Variants in HSPA4 observed in about 807,000 individuals in gnomAD.
HSPA4 encodes the protein heat shock 70 kDa protein 4.
In HSPA4, 25 loss-of-function variants were observed where a neutral mutation model predicts 106.2. The observed-to-expected ratio is 0.24, with a 90% confidence interval of 0.17 to 0.33. HSPA4 has a LOEUF of 0.33. Ranked by LOEUF, HSPA4 falls within the 10% of genes least tolerant of loss-of-function variation. The pLI is 1.00. For missense variants in HSPA4, 841 were observed against 996.0 expected, an observed-to-expected ratio of 0.84 and a Z score of 2.10; for synonymous variants, 332 against 333.6, an observed-to-expected ratio of 1.00 and a Z score of 0.05.
At chr5:133,070,703 A>G (rs1001490258) in intron 4 of HSPA4, among the ~76,000 whole-genome samples, 3 of 152,092 alleles carry the variant, frequency 2.0e-5, no homozygotes, top group Non-Finnish European at 2.9e-5. Context: ...GGAGTTCGAG[A>G]CCAGCCTGGC....
chr5:133,089,909 A>G (rs192115429), intron 11 of HSPA4, among the ~76,000 whole-genome samples: 71 of 152,250 alleles, frequency 4.7e-4, no homozygotes, highest in African/African-American at 1.3e-3. Context: ...AGAAAGAACA[A>G]GTATGGTATT....
chr5:133,097,156 C>A lies in HSPA4; in HGVS notation c.1804-5C>A. On this transcript the variant is annotated splice_region_variant and splice_polypyrimidine_tract_variant and intron_variant, in intron 14 of 18. Coordinates refer to ENST00000304858, the MANE Select transcript of HSPA4 (RefSeq NM_002154.4). ...GTCTGATTTATACATAATATTTATTCTCAGGGTAAGATGATCATGCAGGAT... is the reference window on the plus strand; with the variant it reads ...GTCTGATTTATACATAATATTTATTATCAGGGTAAGATGATCATGCAGGAT... 1 of 1,604,768 alleles carries A rather than the reference C, an allele frequency of 6.2e-7. No individual in the cohort carries two copies. Among genetic ancestry groups the A allele is most frequent in the South Asian group, 1.1e-5 (1 of 90,448 alleles).
chr5:133,104,104 A>C, intron 18 of HSPA4, 78 bp downstream of exon 18: 1 of 1,422,940 alleles, frequency 7.0e-7, no homozygotes, highest in Non-Finnish European at 9.7e-7. Context: ...CTTAGGAGGG[A>C]ACTTTATTAT....
At chr5:133,073,018 C>G (rs1765403965) in intron 4 of HSPA4, among the ~76,000 whole-genome samples, 1 of 152,154 alleles carries the variant, frequency 6.6e-6, no homozygotes, top group Non-Finnish European at 1.5e-5. Context: ...GTATTTTGGT[C>G]TGCCATGTAA....
At chr5:133,078,819 T>A (rs1262827580) in intron 7 of HSPA4, among the ~76,000 whole-genome samples, 1 of 152,062 alleles carries the variant, frequency 6.6e-6, no homozygotes, top group Non-Finnish European at 1.5e-5. Context: ...CTGCACCCTC[T>A]GTTTCCTGGG....
intron 3 of HSPA4, among the ~76,000 whole-genome samples, 164 bp downstream of exon 3, chr5:133,067,721 C>CT (rs1765326762): frequency 2.0e-5 from 3 of 152,046 alleles, no homozygotes; most frequent in African/African-American, 7.2e-5. Context: ...TTTGAATGAT[C>CT]TGGATGTTGG....
intron 7 of HSPA4, among the ~76,000 whole-genome samples, chr5:133,084,619 C>T (rs1245828461): frequency 3.3e-5 from 5 of 151,924 alleles, no homozygotes; most frequent in African/African-American, 9.7e-5. Flanking sequence ...TACAGGCATG[C>T]ACCACCACGC....
intron 10 of HSPA4, 147 bp downstream of exon 10, chr5:133,089,308 A>G: frequency 4.9e-6 from 3 of 608,464 alleles, no homozygotes; most frequent in Non-Finnish European, 8.3e-6. Context: ...AGTCAGAATA[A>G]ATTTGTGTCC....
intron 1 of HSPA4, among the ~76,000 whole-genome samples, chr5:133,054,648 G>T (rs960780975): frequency 1.3e-5 from 2 of 152,150 alleles, no homozygotes; most frequent in Non-Finnish European, 2.9e-5. Context: ...GTGCCCTTTA[G>T]CAGTTTATTT....
At position 133,105,730 on chromosome 5, in the gene HSPA4, G is replaced by C. The variant is rs895072717; in HGVS notation, c.*1294G>C. 2.6e-5 allele frequency: 4 copies of C among 152,134 alleles called. No individual in the cohort carries two copies. Among genetic ancestry groups the C allele is most frequent in the East Asian group, 1.9e-4 (1 of 5,200 alleles). The allele number at this position is 152,134 out of a possible 1,614,324, so 9.4% of individuals were successfully genotyped here. On this transcript the variant is annotated 3_prime_UTR_variant, in exon 19 of 19. Transcript: ENST00000304858. ...ATTCTGTATAACAGAGTGCCTCTCT[G>C]TTACTTTTGGCCTATGTTGTTAGAA...
intron 14 of HSPA4, among the ~76,000 whole-genome samples, 164 bp downstream of exon 14, chr5:133,096,414 C>T (rs1765712618): frequency 1.3e-5 from 2 of 152,076 alleles, no homozygotes; most frequent in African/African-American, 4.8e-5. Flanking sequence ...GCAATAGATC[C>T]CATGTTATGT....
At chr5:133,087,971 A>C (rs929911934) in intron 8 of HSPA4, among the ~76,000 whole-genome samples, 1 of 152,190 alleles carries the variant, frequency 6.6e-6, no homozygotes, top group Non-Finnish European at 1.5e-5. Flanking sequence ...GGATTAGAAC[A>C]CTGGAGTAGC....
intron 8 of HSPA4, among the ~76,000 whole-genome samples, chr5:133,087,894 G>C (rs973737280): frequency 6.6e-6 from 1 of 152,190 alleles, no homozygotes; most frequent in Non-Finnish European, 1.5e-5. Context: ...AAAGTACTGG[G>C]ATTACAAGCA....
intron 2 of HSPA4, 30 bp from the exon 3 acceptor site, chr5:133,067,387 C>A (rs778764943): frequency 4.4e-5 from 69 of 1,577,402 alleles, no homozygotes; most frequent in Non-Finnish European, 5.6e-5. Flanking sequence ...TAGTAGTAGT[C>A]TTTCCACTCT....
Position 133,060,068 on chromosome 5 carries a change from C to CTT in HSPA4, c.108-4902_108-4901dup, listed in dbSNP as rs370182052. On this transcript the variant is annotated intron_variant, in intron 1 of 18. Coordinates refer to ENST00000304858, the MANE Select transcript of HSPA4 (RefSeq NM_002154.4). ...AACTGATTGTGGTATATCAGTTTTA[C>CTT]TTTTTTTTTTTAGGACTTACTAGAT... Among the ~76,000 whole-genome samples, 341 of 146,116 alleles carry CTT rather than the reference C, an allele frequency of 2.3e-3. 3 individuals are homozygous for CTT. Among genetic ancestry groups the CTT allele is most frequent in the South Asian group, 0.02 (93 of 4,664 alleles).
In HSPA4 at chr5:133,074,170, A is replaced by G. The variant is rs747218789; in HGVS notation, c.663+44A>G. The G allele has an allele frequency of 3.0e-6, 4 of 1,341,618 alleles. No homozygotes were observed. The African/African-American group carries it at 6.0e-5, about 20-fold the overall frequency. 83.1% of individuals were successfully genotyped at this position (1,341,618 alleles called of 1,614,324 possible). On this transcript the variant is annotated intron_variant, in intron 6 of 18. Coordinates refer to ENST00000304858, the MANE Select transcript of HSPA4 (RefSeq NM_002154.4). ...TCCAGAAGACTGTTAGTAGTATGGT[A>G]ATTATGAAATTTTGAGAGACAATGA... is the stretch of plus-strand genomic sequence containing the variant.
Position 133,099,607 on chromosome 5 carries a change from A to C in HSPA4, c.1992A>C (p.Glu664Asp). ...DTENWLYEDG[E>D]DQPKQVYVDK... is the part of the protein sequence containing the mutation. ...AAAATTGGTTGTATGAGGATGGAGA[A>C]GACCAGCCAAAGCAAGTTTATGTTG... Residue 664 changes from glutamate to aspartate, a missense_variant, in exon 16 of 19, where the codon GAA becomes GAC. Coordinates refer to ENST00000304858, the MANE Select transcript of HSPA4 (RefSeq NM_002154.4). 1.2e-6 allele frequency: 2 copies of C among 1,606,390 alleles called. No individual in the cohort carries two copies. Among genetic ancestry groups the C allele is most frequent in the Non-Finnish European group, 1.7e-6 (2 of 1,173,870 alleles).
At chr5:133,075,364 T>G (rs1765434903) in intron 6 of HSPA4, among the ~76,000 whole-genome samples, 1 of 152,232 alleles carries the variant, frequency 6.6e-6, no homozygotes, top group African/African-American at 2.4e-5. Context: ...TGTGTATTAG[T>G]AGCCATCTGC....
In HSPA4 at chr5:133,052,215, C is replaced by T. The variant is rs763887174; in HGVS notation, c.-36C>T. The T allele has an allele frequency of 1.4e-6, 2 of 1,460,894 alleles. No individual in the cohort carries two copies. Among genetic ancestry groups the T allele is most frequent in the East Asian group, 2.4e-5 (1 of 41,082 alleles). 90.5% of individuals were successfully genotyped at this position (1,460,894 alleles called of 1,614,324 possible). Reference sequence around the variant, plus strand: ...GGGGTCCGTGTCCTGTCTCGGTGGCCGGACCCGGGCCCGAGCCCGAGCAGT... The same window carrying T: ...GGGGTCCGTGTCCTGTCTCGGTGGCTGGACCCGGGCCCGAGCCCGAGCAGT... On this transcript the variant is annotated 5_prime_UTR_variant, in exon 1 of 19. Transcript: ENST00000304858.
Sources: gnomAD v4.1 joint callset for allele counts (sites outside exome capture counted in the v4.1 genomes callset) on GRCh38, gnomAD v4.1.1 for gene constraint, MANE v1.5 for transcripts, NCBI Gene and HGNC (gene_info 2026-07-23, HGNC 2026-07-21) for gene names.